The following COL1A2 variants were observed in gnomAD, a reference collection of about 807,000 sequenced individuals.
COL1A2 encodes collagen type I alpha 2 chain, also known as collagen alpha-2(I) chain.
Under a neutral mutation model 174.3 loss-of-function variants are expected in COL1A2, and 49 were observed. The observed-to-expected ratio is 0.28, with a 90% CI of 0.22 to 0.36. The LOEUF (loss-of-function observed/expected upper bound fraction) is 0.36, where lower values mean the gene tolerates loss of function less well. Among genes scored for constraint, COL1A2 ranks in the 10% least tolerant of loss-of-function variants. The pLI is 1.00. For synonymous variants in COL1A2, 655 were observed against 606.6 expected (o/e 1.08, Z -1.17); for missense variants, 1,438 against 1,822.7 (o/e 0.79, Z 3.84).
Position 94,420,415 on chromosome 7 carries a change from G to T in COL1A2, c.2158G>T (p.Ala720Ser). ...GGGTGAACGTGGTGAGGTCGGTCCT[G>T]CTGGCCCCAATGGATTTGCTGGTCC... ...SPGERGEVGP[A>S]GPNGFAGPAG... The change falls in exon 36 of 52, where the codon GCT (alanine) becomes TCT (serine). Residue 720 changes from alanine to serine, a missense_variant. This residue lies in a region of COL1A2 where 867 missense variants were observed against 1,213.7 expected (regional missense o/e 0.71). Coordinates refer to ENST00000297268, the MANE Select transcript of COL1A2 (RefSeq NM_000089.4). 1 of 1,614,206 alleles carries T rather than the reference G, an allele frequency of 6.2e-7. No individual in the cohort carries two copies. Among genetic ancestry groups the T allele is most frequent in the Non-Finnish European group, 8.5e-7 (1 of 1,180,030 alleles).
chr7:94,409,002 T>C (rs970978791), intron 16 of COL1A2, among the ~76,000 whole-genome samples, 179 bp downstream of exon 16: 5 of 152,144 alleles, frequency 3.3e-5, no homozygotes, highest in African/African-American at 1.2e-4. Context: ...ATAGATCATT[T>C]CTCTGCACTG....
At position 94,425,188 on chromosome 7, in the gene COL1A2, T is replaced by C; in HGVS notation, c.2745T>C (p.Pro915=). 1 of 1,614,160 alleles carries C rather than the reference T, an allele frequency of 6.2e-7. No homozygotes were observed. Among genetic ancestry groups the C allele is most frequent in the Non-Finnish European group, 8.5e-7 (1 of 1,180,012 alleles). Residue 915 remains proline (P), a synonymous_variant, in exon 42 of 52, where the codon CCT becomes CCC. Coordinates refer to ENST00000297268, the MANE Select transcript of COL1A2 (RefSeq NM_000089.4). ...ARGPPGAVGS[P]GVNGAPGEAG... is the part of the protein sequence containing the mutation. ...GTCCTCCTGGTGCTGTGGGTAGTCC[T>C]GGAGTCAACGGTGCTCCTGGTGAAG...
chr7:94,413,611 A>T, intron 26 of COL1A2, 79 bp from the exon 27 acceptor site: 2 of 1,352,398 alleles, frequency 1.5e-6, no homozygotes, highest in Middle Eastern at 1.8e-4. Flanking sequence ...GTTTTAAGGA[A>T]GTAATACCTG....
At chr7:94,430,020 G>A (rs1314771020) in intron 51 of COL1A2, 1 of 572,898 alleles carries the variant, frequency 1.7e-6, no homozygotes, top group Non-Finnish European at 3.1e-6. Flanking sequence ...AATGTTGTTG[G>A]TTTTTTTGGT....
intron 38 of COL1A2, chr7:94,421,516 T>A: frequency 2.7e-6 from 1 of 373,040 alleles, no homozygotes; most frequent in South Asian, 3.1e-5. Flanking sequence ...CATTACCTAT[T>A]AAGTGTCCAT....
At chr7:94,421,759 C>A in intron 38 of COL1A2, 140 bp from the exon 39 acceptor site, 10 of 653,948 alleles carry the variant, frequency 1.5e-5, no homozygotes, top group Non-Finnish European at 2.2e-5. Flanking sequence ...AAATAATGCC[C>A]TATATGAAGC....
rs917994898 is a variant in COL1A2, at chr7:94,425,523, A to G, written c.2782-87A>G. On this transcript the variant is annotated intron_variant, in intron 42 of 51. Coordinates refer to ENST00000297268, the MANE Select transcript of COL1A2 (RefSeq NM_000089.4). ...AGAGGGTTCGTTACTGAGCACTGGA[A>G]GTGATGAAGACAGAGTAGCTACAAC... 4 of 1,335,430 alleles carry G rather than the reference A, an allele frequency of 3.0e-6. No individual in the cohort carries two copies. In the African/African-American group the frequency reaches 4.3e-5, roughly 14 times the overall value. The allele number at this position is 1,335,430 out of a possible 1,614,324, so 82.7% of individuals were successfully genotyped here.
intron 38 of COL1A2, chr7:94,421,287 T>C (rs936625603): frequency 5.0e-6 from 3 of 601,824 alleles, no homozygotes; most frequent in African/African-American, 3.7e-5. Flanking sequence ...AGGTGGGCCC[T>C]AGGCAGTTTA....
intron 28 of COL1A2, 126 bp from the exon 29 acceptor site, chr7:94,414,096 T>C: frequency 7.8e-7 from 1 of 1,289,850 alleles, no homozygotes; most frequent in Non-Finnish European, 1.1e-6. Flanking sequence ...AACTTTTGTG[T>C]AATGCTTAAT....
intron 31 of COL1A2, chr7:94,416,724 AACATAAAT>A: frequency 1.8e-6 from 1 of 569,086 alleles, no homozygotes; most frequent in South Asian, 2.2e-5. Flanking sequence ...GAGTTCCCAA[AACATAAAT>A]GAATTAGTAT....
chr7:94,425,388 A>G, intron 42 of COL1A2, 164 bp downstream of exon 42: 1 of 830,034 alleles, frequency 1.2e-6, no homozygotes, highest in African/African-American at 1.7e-5. Context: ...TGCTTAGGCC[A>G]AAGAATGGGC....
chr7:94,424,086 T>C, intron 40 of COL1A2: 1 of 469,454 alleles, frequency 2.1e-6, no homozygotes, highest in South Asian at 2.2e-5. Context: ...AGTGTCTTTA[T>C]AAATCTCAAC....
Position 94,409,718 on chromosome 7 carries a change from C to T in COL1A2, c.937-5C>T. The T allele has an allele frequency of 1.9e-6, 3 of 1,614,132 alleles. No homozygotes were observed. The highest frequency in any genetic ancestry group is 2.5e-6 in the Non-Finnish European group (3 of 1,180,004). On this transcript the variant is annotated splice_region_variant and splice_polypyrimidine_tract_variant and intron_variant, in intron 18 of 51. Transcript: ENST00000297268. ...TAATGGACCACACTGCATTTTCCTTCACAGGGCCTTCCCGGCGTTGCTGGG... is the reference window on the plus strand; with the variant it reads ...TAATGGACCACACTGCATTTTCCTTTACAGGGCCTTCCCGGCGTTGCTGGG...
At chr7:94,396,585 T>G (rs1250811200) in intron 1 of COL1A2, among the ~76,000 whole-genome samples, 2 of 152,158 alleles carry the variant, frequency 1.3e-5, no homozygotes, top group Non-Finnish European at 1.5e-5. Flanking sequence ...ATAAATGTTA[T>G]CAAACACACA....
At chr7:94,402,518 A>G (rs990275018) in intron 6 of COL1A2, among the ~76,000 whole-genome samples, 1 of 152,036 alleles carries the variant, frequency 6.6e-6, no homozygotes, top group Non-Finnish European at 1.5e-5. Flanking sequence ...CTATATGATG[A>G]TGATGATGAT....
intron 40 of COL1A2, chr7:94,423,370 G>A (rs1029941715): frequency 2.0e-6 from 1 of 492,092 alleles, no homozygotes; most frequent in East Asian, 4.0e-5. Context: ...GCTATTGAAG[G>A]CACCTTACTG....
intron 6 of COL1A2, 74 bp downstream of exon 6, chr7:94,401,694 C>A (rs958340654): frequency 7.8e-5 from 87 of 1,122,374 alleles, no homozygotes; most frequent in Admixed American, 3.2e-4. Context: ...TTTTACCACG[C>A]CATTTATTTA....
chr7:94,422,131 A>G, intron 39 of COL1A2, 179 bp downstream of exon 39: 4 of 542,706 alleles, frequency 7.4e-6, no homozygotes, highest in Non-Finnish European at 1.3e-5. Flanking sequence ...ATATTTTATA[A>G]TATCAGTTTA....
intron 20 of COL1A2, 50 bp from the exon 21 acceptor site, chr7:94,410,370 A>T (rs1791896658): frequency 4.4e-6 from 7 of 1,582,106 alleles, no homozygotes; most frequent in Non-Finnish European, 6.0e-6. Flanking sequence ...TGGACATAGT[A>T]TTAAAATTAT....
Sources: allele counts gnomAD v4.1 joint callset (sites outside exome capture counted in the v4.1 genomes callset), GRCh38; gene constraint gnomAD v4.1.1; regional missense constraint gnomAD v4.1.1; transcripts MANE v1.5; gene names NCBI Gene and HGNC (gene_info 2026-07-23, HGNC 2026-07-21).